FBXL7: variants seen among roughly 807,000 people sequenced by gnomAD.
The protein encoded by FBXL7 is F-box/LRR-repeat protein 7.
Under a neutral mutation model 38.3 loss-of-function variants are expected in FBXL7, and 12 were observed. The observed-to-expected ratio is 0.31, with a 90% confidence interval of 0.20 to 0.51. FBXL7 has a LOEUF of 0.51. FBXL7 is among the 20% of genes least tolerant of loss of function. The pLI is 0.98. For missense variants in FBXL7, 567 were observed against 676.4 expected (o/e 0.84, Z 1.79); for synonymous variants, 297 against 300.9 (o/e 0.99, Z 0.13).
intron 1 of FBXL7, among the ~76,000 whole-genome samples, chr5:15,597,063 T>G (rs1170964936): frequency 6.6e-6 from 1 of 152,210 alleles, no homozygotes; most frequent in East Asian, 1.9e-4. Context: ...GGACATGTGA[T>G]TGGCATCTAA....
intron 1 of FBXL7, among the ~76,000 whole-genome samples, chr5:15,549,122 A>C (rs1035253098): frequency 7.9e-5 from 12 of 152,226 alleles, no homozygotes; most frequent in Non-Finnish European, 1.3e-4. Flanking sequence ...CCCTGTTCCA[A>C]GCTTGAATTT....
intron 2 of FBXL7, among the ~76,000 whole-genome samples, chr5:15,883,265 G>C (rs1180371173): frequency 6.6e-6 from 1 of 152,196 alleles, no homozygotes; most frequent in Non-Finnish European, 1.5e-5. Flanking sequence ...GAATTCAGAA[G>C]AATGTACATT....
At chr5:15,537,174 A>T (rs1737610890) in intron 1 of FBXL7, among the ~76,000 whole-genome samples, 2 of 152,200 alleles carry the variant, frequency 1.3e-5, no homozygotes. Context: ...ACCCAGTCTC[A>T]TCTATTCTTT....
chr5:15,621,273 T>C (rs576905332), intron 2 of FBXL7, among the ~76,000 whole-genome samples: 24 of 152,348 alleles, frequency 1.6e-4, no homozygotes, highest in African/African-American at 5.5e-4. Context: ...GTTTCTAATT[T>C]CCTGACACTG....
intron 2 of FBXL7, among the ~76,000 whole-genome samples, chr5:15,782,813 G>A (rs149765433): frequency 6.6e-6 from 1 of 152,108 alleles, no homozygotes; most frequent in Non-Finnish European, 1.5e-5. Flanking sequence ...TAATAGCCGA[G>A]GTTGGGATTG....
rs559957618 is a variant in FBXL7 at position 15,802,631 on chromosome 5, T to A, written c.128-125259T>A. On this transcript the variant is annotated intron_variant, in intron 2 of 3. Transcript: ENST00000504595. ...ACCATCCCTGATAAACTAGCACTGC[T>A]CTCTCTCAGCACCACCACATCATCC... 2.0e-5 allele frequency among the ~76,000 whole-genome samples: 3 copies of A among 151,274 alleles called. No homozygotes were observed. In the East Asian group the frequency reaches 5.9e-4, roughly 30 times the overall value.
chr5:15,510,060 A>G (rs1424806587), intron 1 of FBXL7, among the ~76,000 whole-genome samples: 4 of 152,178 alleles, frequency 2.6e-5, no homozygotes, highest in Non-Finnish European at 4.4e-5. Context: ...GCAAATCTCT[A>G]TTAGGTTGTG....
At chr5:15,552,703 A>G (rs1738114176) in intron 1 of FBXL7, among the ~76,000 whole-genome samples, 2 of 152,226 alleles carry the variant, frequency 1.3e-5, no homozygotes, top group South Asian at 4.1e-4. Context: ...TGTGGCAGGC[A>G]TGATATTTTC....
At position 15,536,695 on chromosome 5, in the gene FBXL7, G is replaced by A. The variant is rs147469334; in HGVS notation, c.37+35982G>A. Among the ~76,000 whole-genome samples the A allele has an allele frequency of 9.7e-3, 1,470 of 152,272 alleles. 11 individuals are homozygous for A. The highest frequency in any genetic ancestry group is 0.054 in the Middle Eastern group (16 of 294). ...CTTTTGATTTTACAGGCTCATAGGC[G>A]GAAGGGACTTGCCTTGGCTCAGATG... On this transcript the variant is annotated intron_variant, in intron 1 of 3. Coordinates refer to ENST00000504595, the MANE Select transcript of FBXL7 (RefSeq NM_012304.5).
chr5:15,651,241 C>A (rs1741699834), intron 2 of FBXL7, among the ~76,000 whole-genome samples: 1 of 151,776 alleles, frequency 6.6e-6, no homozygotes, highest in African/African-American at 2.4e-5. Flanking sequence ...GGACTACAGG[C>A]ACCCGCCATC....
rs149924230 is a variant in FBXL7, at chr5:15,932,265, G to A, written c.739+3764G>A. Among the ~76,000 whole-genome samples, 1,240 of 152,188 alleles carry A rather than the reference G, an allele frequency of 8.1e-3. 18 individuals are homozygous for A. Among genetic ancestry groups the A allele is most frequent in the African/African-American group, 0.028 (1,175 of 41,528 alleles). On this transcript the variant is annotated intron_variant, in intron 3 of 3. Transcript: ENST00000504595. ...AGTTCTCAAACACATGCTCTGAAGGGAACCACGTAGGAGGCACTCAATAAA... is the reference window on the plus strand; with the variant it reads ...AGTTCTCAAACACATGCTCTGAAGGAAACCACGTAGGAGGCACTCAATAAA...
At chr5:15,906,406 A>G (rs1042759147) in intron 2 of FBXL7, among the ~76,000 whole-genome samples, 15 of 149,410 alleles carry the variant, frequency 1.0e-4, no homozygotes, top group African/African-American at 3.7e-4. Flanking sequence ...CCCATTCTAT[A>G]GAGCTATTTT....
chr5:15,827,388 C>T (rs1045040412), intron 2 of FBXL7, among the ~76,000 whole-genome samples: 2 of 152,006 alleles, frequency 1.3e-5, no homozygotes, highest in African/African-American at 2.4e-5. Flanking sequence ...AATTGAATAG[C>T]GTATGTCAAA....
At chr5:15,769,034 C>A (rs574661954) in intron 2 of FBXL7, among the ~76,000 whole-genome samples, 1 of 152,200 alleles carries the variant, frequency 6.6e-6, no homozygotes, top group Non-Finnish European at 1.5e-5. Context: ...CAAAGTCATA[C>A]ATTGTCCTAA....
At chr5:15,785,491 A>G (rs1356639604) in intron 2 of FBXL7, among the ~76,000 whole-genome samples, 1 of 152,224 alleles carries the variant, frequency 6.6e-6, no homozygotes, top group Non-Finnish European at 1.5e-5. Flanking sequence ...AGTGTTTTAT[A>G]CACGGAAGAA....
chr5:15,824,150 G>T (rs1217684200), intron 2 of FBXL7, among the ~76,000 whole-genome samples: 4 of 151,734 alleles, frequency 2.6e-5, no homozygotes, highest in Non-Finnish European at 5.9e-5. Flanking sequence ...ATAAAAATTA[G>T]CTGGGCGTGG....
chr5:15,636,101 GTT>G (rs199871218), intron 2 of FBXL7, among the ~76,000 whole-genome samples: 1,501 of 140,904 alleles, frequency 0.011, 20 homozygotes, highest in African/African-American at 0.036. Flanking sequence ...TTGTATATCT[GTT>G]TTTTTTTTTT....
chr5:15,550,249 A>T (rs1738023167), intron 1 of FBXL7, among the ~76,000 whole-genome samples: 1 of 152,214 alleles, frequency 6.6e-6, no homozygotes, highest in Non-Finnish European at 1.5e-5. Context: ...GGAGGCTTGG[A>T]AAACTCATTT....
At chr5:15,875,067 T>C (rs991237444) in intron 2 of FBXL7, among the ~76,000 whole-genome samples, 1 of 152,088 alleles carries the variant, frequency 6.6e-6, no homozygotes, top group African/African-American at 2.4e-5. Flanking sequence ...AAAACAGATA[T>C]ATAGACCAAT....
Sources: gnomAD v4.1 joint callset for allele counts (sites outside exome capture counted in the v4.1 genomes callset) on GRCh38, gnomAD v4.1.1 for gene constraint, MANE v1.5 for transcripts, NCBI Gene and HGNC (gene_info 2026-07-23, HGNC 2026-07-21) for gene names.